SBNO2: variants seen among roughly 807,000 people sequenced by gnomAD.
SBNO2 encodes strawberry notch homolog 2.
In SBNO2, 89 loss-of-function variants were observed where a neutral mutation model predicts 146.3. The observed-to-expected ratio is 0.61, with a 90% CI of 0.51 to 0.73. The LOEUF (loss-of-function observed/expected upper bound fraction) is 0.73. SBNO2 is among the 30% of genes least tolerant of loss of function. The pLI, the probability that SBNO2 is intolerant of heterozygous loss-of-function variation, is 0.00. For missense variants in SBNO2, 2,092 were observed against 2,003.7 expected (o/e 1.04, Z -0.84); for synonymous variants, 1,147 against 892.6 (o/e 1.29, Z -5.08).
chr19:1,134,149 G>A (rs545252523), intron 4 of SBNO2, among the ~76,000 whole-genome samples: 3 of 123,800 alleles, frequency 2.4e-5, no homozygotes, highest in African/African-American at 7.0e-5. Context: ...CACAGCTCAC[G>A]GGTGGACTCA....
At chr19:1,142,634 T>G (rs1158180301) in intron 4 of SBNO2, among the ~76,000 whole-genome samples, 2 of 151,212 alleles carry the variant, frequency 1.3e-5, no homozygotes, top group Non-Finnish European at 2.9e-5. Context: ...GAGCCGAGAT[T>G]GCACCACTGC....
rs775943175 is a variant in SBNO2 at position 1,112,053 on chromosome 19, G to C, written c.2643C>G (p.His881Gln). 2 of 1,612,306 alleles carry C rather than the reference G, an allele frequency of 1.2e-6. No homozygotes were observed. The highest frequency in any genetic ancestry group is 1.7e-6 in the Non-Finnish European group (2 of 1,179,750). The change falls in exon 23 of 32, where the codon CAC becomes CAG. Residue 881 changes from histidine (H) to glutamine (Q), a missense_variant. Coordinates refer to ENST00000361757, the MANE Select transcript of SBNO2 (RefSeq NM_014963.3). This position sits in a 1 kb window ranked among gnomAD's most constrained non-coding sequence, Gnocchi z 5.9. Reference protein sequence around the residue: ...KRLESLGALTHGDRRATESRD... With the variant: ...KRLESLGALTQGDRRATESRD... ...GGGACTCCGTGGCGCGGCGGTCTCCGTGGGTCAGGGCCCCCTGCCAGGGGT... is the reference window on the plus strand; with the variant it reads ...GGGACTCCGTGGCGCGGCGGTCTCCCTGGGTCAGGGCCCCCTGCCAGGGGT...
At chr19:1,130,038 A>G (rs966747192) in intron 4 of SBNO2, among the ~76,000 whole-genome samples, 4 of 152,042 alleles carry the variant, frequency 2.6e-5, no homozygotes, top group Admixed American at 1.3e-4. Context: ...ACACCACCCG[A>G]CCAGCCCCAG....
Position 1,150,603 on chromosome 19 carries a change from C to T in SBNO2, c.94-1161G>A, listed in dbSNP as rs1237315685. Among the ~76,000 whole-genome samples, 1 of 152,126 alleles carries T rather than the reference C, an allele frequency of 6.6e-6. No homozygotes were observed. Among genetic ancestry groups the T allele is most frequent in the African/African-American group, 2.4e-5 (1 of 41,434 alleles). Reference sequence around the variant, plus strand: ...GACACCACCAGCCGGGGGCATCATCCTGCTTATCCCAGCAGGACTGGGGGC... The same window carrying T: ...GACACCACCAGCCGGGGGCATCATCTTGCTTATCCCAGCAGGACTGGGGGC... On this transcript the variant is annotated intron_variant, in intron 2 of 31. Transcript: ENST00000361757. This position sits in a 1 kb window ranked among gnomAD's most constrained non-coding sequence, Gnocchi z 6.2.
chr19:1,130,278 G>A (rs961983482), intron 4 of SBNO2, among the ~76,000 whole-genome samples: 2 of 152,112 alleles, frequency 1.3e-5, no homozygotes, highest in Admixed American at 6.6e-5. Context: ...GCCCGGGAGT[G>A]GGTGCACGGG....
At chr19:1,148,250 C>G (rs539253603) in intron 3 of SBNO2, among the ~76,000 whole-genome samples, 5 of 152,184 alleles carry the variant, frequency 3.3e-5, no homozygotes, top group African/African-American at 7.2e-5. Flanking sequence ...GGCCACTCTC[C>G]TCCTGCATAG....
At chr19:1,129,390 G>GC (rs2080002911) in intron 4 of SBNO2, among the ~76,000 whole-genome samples, 1 of 152,138 alleles carries the variant, frequency 6.6e-6, no homozygotes, top group Admixed American at 6.5e-5. Flanking sequence ...TCAGACCCAA[G>GC]CACCTGGGCA....
In SBNO2 at chr19:1,109,710, C is replaced by A; in HGVS notation, c.3096G>T (p.Pro1032=). ...SQQVFLAPGH[P]QDGQVVFYKI... ...TGTAGAAGACCACCTGCCCGTCCTG[C>A]GGGTGCCCGGGAGCCAGGAACACCT... Residue 1032 remains proline (P), a synonymous_variant, in exon 27 of 32, where the codon CCG becomes CCT. Transcript: ENST00000361757. The surrounding 1 kb of genome is among the most constrained non-coding windows in gnomAD (Gnocchi z 4.2). The A allele has an allele frequency of 6.2e-7, 1 of 1,606,204 alleles. No homozygotes were observed. The highest frequency in any genetic ancestry group is 1.1e-5 in the South Asian group (1 of 90,680).
At chr19:1,143,404 G>A (rs1361141854) in intron 4 of SBNO2, among the ~76,000 whole-genome samples, 1 of 151,908 alleles carries the variant, frequency 6.6e-6, no homozygotes, top group African/African-American at 2.4e-5. Flanking sequence ...CCCAGGAGGT[G>A]GAGGCTGCAG....
chr19:1,133,233 C>T (rs1050379022), intron 4 of SBNO2, among the ~76,000 whole-genome samples: 3 of 152,102 alleles, frequency 2.0e-5, no homozygotes, highest in Middle Eastern at 3.2e-3. Flanking sequence ...AGACCGCGGC[C>T]GAGACCGCGC....
intron 4 of SBNO2, among the ~76,000 whole-genome samples, chr19:1,139,416 G>A: frequency 6.6e-6 from 1 of 152,092 alleles, no homozygotes; most frequent in East Asian, 1.9e-4. Context: ...CATGGTGATG[G>A]CTGAACAGCT....
chr19:1,173,314 G>A lies in SBNO2; in HGVS notation c.-127+858C>T, dbSNP rs561607417. ...ATCTCAGCCCGCTACCCTCCCTCCC[G>A]CCTGTCCCTGGAAGCCGGGTTTGAA... On this transcript the variant is annotated intron_variant, in intron 1 of 31. Coordinates refer to ENST00000361757, the MANE Select transcript of SBNO2 (RefSeq NM_014963.3). This position sits in a 1 kb window ranked among gnomAD's most constrained non-coding sequence, Gnocchi z 4.7. Among the ~76,000 whole-genome samples the A allele has an allele frequency of 1.9e-3, 291 of 152,196 alleles. 1 individual carries two copies. Among genetic ancestry groups the A allele is most frequent in the African/African-American group, 6.9e-3 (288 of 41,522 alleles).
intron 1 of SBNO2, among the ~76,000 whole-genome samples, chr19:1,162,748 GA>G (rs927645520): frequency 6.6e-6 from 1 of 152,208 alleles, no homozygotes; most frequent in Non-Finnish European, 1.5e-5. Context: ...GACACACAGA[GA>G]AACGGAGACC....
intron 4 of SBNO2, among the ~76,000 whole-genome samples, chr19:1,129,403 G>A (rs1418760330): frequency 6.6e-6 from 1 of 152,134 alleles, no homozygotes; most frequent in Non-Finnish European, 1.5e-5. Context: ...CCTGGGCACT[G>A]ATCACTAGGG....
chr19:1,109,826 G>A lies in SBNO2; in HGVS notation c.3029-49C>T. ...GTGGTGTCCAGGCCTGGGACTGTGG[G>A]CTGGGGCCAGGGTCAGTCCCGTAGC... On this transcript the variant is annotated intron_variant, in intron 26 of 31. Coordinates refer to ENST00000361757, the MANE Select transcript of SBNO2 (RefSeq NM_014963.3). The surrounding 1 kb of genome is among the most constrained non-coding windows in gnomAD (Gnocchi z 4.2). 1 of 1,403,224 alleles carries A rather than the reference G, an allele frequency of 7.1e-7. No homozygotes were observed. Among genetic ancestry groups the A allele is most frequent in the Admixed American group, 1.9e-5 (1 of 53,072 alleles). The allele number at this position is 1,403,224 out of a possible 1,614,324, so 86.9% of individuals were successfully genotyped here. A position where few individuals can be genotyped will look rare whatever the true frequency, so the allele number is the denominator to read the frequency against.
chr19:1,110,266 T>C lies in SBNO2; in HGVS notation c.3028+479A>G, dbSNP rs1381739016. 6.6e-6 allele frequency among the ~76,000 whole-genome samples: 1 copy of C among 152,128 alleles called. No individual in the cohort carries two copies. Among genetic ancestry groups the C allele is most frequent in the African/African-American group, 2.4e-5 (1 of 41,406 alleles). ...TCTGGACACAGGGAAGTGGTCCTGATGGACAGGCCTGGCCCCATGAGGCTG... is the reference window on the plus strand; with the variant it reads ...TCTGGACACAGGGAAGTGGTCCTGACGGACAGGCCTGGCCCCATGAGGCTG... On this transcript the variant is annotated intron_variant, in intron 26 of 31. Transcript: ENST00000361757. The surrounding 1 kb of genome is among the most constrained non-coding windows in gnomAD (Gnocchi z 4.9).
intron 13 of SBNO2, 26 bp downstream of exon 13, chr19:1,119,489 CT>C: frequency 6.6e-7 from 1 of 1,515,282 alleles, no homozygotes; most frequent in Non-Finnish European, 9.0e-7. Flanking sequence ...CCCGCCGCCC[CT>C]CCACGTGGGT....
chr19:1,160,480 G>C (rs191282115), intron 1 of SBNO2, among the ~76,000 whole-genome samples: 1 of 152,212 alleles, frequency 6.6e-6, no homozygotes, highest in Non-Finnish European at 1.5e-5. Context: ...AGACCCGGGG[G>C]AGGACGCACA....
chr19:1,166,426 T>G (rs1236369952), intron 1 of SBNO2, among the ~76,000 whole-genome samples: 1 of 152,116 alleles, frequency 6.6e-6, no homozygotes, highest in Non-Finnish European at 1.5e-5. Flanking sequence ...GTGGTGCGGC[T>G]TTCTGTGGCA....
Sources: allele counts gnomAD v4.1 joint callset (sites outside exome capture counted in the v4.1 genomes callset), GRCh38; gene constraint gnomAD v4.1.1; non-coding constraint Gnocchi (gnomAD v3.1); transcripts MANE v1.5; gene names NCBI Gene and HGNC (gene_info 2026-07-23, HGNC 2026-07-21).